Variants in SOX6 observed in about 807,000 individuals in gnomAD.
SOX6 encodes the protein transcription factor SOX-6.
SOX6 carries 11 observed loss-of-function variants against 97.8 expected under a neutral mutation model. The ratio of observed to expected loss-of-function variants is 0.11; its 90% CI spans 0.07 to 0.19. SOX6 has a LOEUF of 0.19. Ranked by LOEUF, SOX6 falls within the 10% of genes least tolerant of loss-of-function variation. The pLI is 1.00. For missense variants in SOX6, 810 were observed against 1,039.5 expected, an observed-to-expected ratio of 0.78 and a Z score of 3.04; for synonymous variants, 360 against 371.4, an observed-to-expected ratio of 0.97 and a Z score of 0.35.
chr11:16,113,628 C>T (rs1451314803), intron 6 of SOX6, among the ~76,000 whole-genome samples: 1 of 152,152 alleles, frequency 6.6e-6, no homozygotes, highest in Admixed American at 6.5e-5. Flanking sequence ...TGCAAGAGTA[C>T]ATCAAAGGAA....
chr11:16,704,981 G>C (rs1264438158), intron 3 of SOX6, among the ~76,000 whole-genome samples: 2 of 152,238 alleles, frequency 1.3e-5, no homozygotes, highest in Non-Finnish European at 2.9e-5. Context: ...CATCAGGCCA[G>C]GTGTGGTGGC....
chr11:16,279,023 G>A (rs560517865), intron 3 of SOX6, among the ~76,000 whole-genome samples: 17 of 152,234 alleles, frequency 1.1e-4, no homozygotes, highest in African/African-American at 3.8e-4. Context: ...GCTTATGTGA[G>A]TGTCTTTTTT....
intron 1 of SOX6, among the ~76,000 whole-genome samples, chr11:16,417,174 T>C (rs1565138259): frequency 6.6e-6 from 1 of 152,174 alleles, no homozygotes; most frequent in Non-Finnish European, 1.5e-5. Context: ...CTTTGAGGCT[T>C]ACCATGAGTA....
Position 16,318,826 on chromosome 11 carries a change from T to G in SOX6, c.238-173A>C, listed in dbSNP as rs576718375. On this transcript the variant is annotated intron_variant, in intron 2 of 15. Transcript: ENST00000683767. Reference sequence around the variant, plus strand: ...GGACAAATAAAAAATACAATTCTGATTGAACAACACCGATTAAACAAAACA... The same window carrying G: ...GGACAAATAAAAAATACAATTCTGAGTGAACAACACCGATTAAACAAAACA... Among the ~76,000 whole-genome samples, 9 of 152,226 alleles carry G rather than the reference T, an allele frequency of 5.9e-5. No homozygotes were observed. The East Asian group carries it at 1.7e-3, about 29-fold the overall frequency.
rs765066057 is a variant in SOX6, at chr11:15,972,777, C to CA, written c.*31dup. 51 of 1,612,854 alleles carry CA rather than the reference C, an allele frequency of 3.2e-5. No individual in the cohort carries two copies. The highest frequency in any genetic ancestry group is 4.2e-5 in the Non-Finnish European group (50 of 1,179,110). ...TTTGTTGGGGAGGGGGGTGAAATGT[C>CA]AGAGTACTTTAATTCAGCAAACAAA... On this transcript the variant is annotated 3_prime_UTR_variant, in exon 16 of 16. Transcript: ENST00000683767.
intron 3 of SOX6, among the ~76,000 whole-genome samples, chr11:16,707,314 T>C (rs185608170): frequency 6.7e-4 from 97 of 145,104 alleles, no homozygotes; most frequent in African/African-American, 2.2e-3. Flanking sequence ...CAAAGAAAAA[T>C]AACAAACTTA....
At chr11:16,070,377 TA>T (rs548585545) in intron 9 of SOX6, among the ~76,000 whole-genome samples, 1 of 151,390 alleles carries the variant, frequency 6.6e-6, no homozygotes, top group African/African-American at 2.4e-5. Flanking sequence ...CTAAGAAACT[TA>T]AAAAAAATCT....
At chr11:16,650,403 A>G (rs1333244472) in intron 3 of SOX6, among the ~76,000 whole-genome samples, 1 of 152,164 alleles carries the variant, frequency 6.6e-6, no homozygotes, top group Non-Finnish European at 1.5e-5. Flanking sequence ...TAAATTTAAG[A>G]AAATCAAAAT....
At chr11:16,201,515 A>G (rs1851936644) in intron 4 of SOX6, among the ~76,000 whole-genome samples, 1 of 150,364 alleles carries the variant, frequency 6.7e-6, no homozygotes, top group Admixed American at 6.6e-5. Context: ...TATATTATAT[A>G]TTCTATATAT....
At chr11:16,201,049 G>A (rs560968501) in intron 4 of SOX6, among the ~76,000 whole-genome samples, 4 of 151,834 alleles carry the variant, frequency 2.6e-5, no homozygotes, top group African/African-American at 9.7e-5. Flanking sequence ...CCCAGGAGAC[G>A]GAGGTTGCAG....
At chr11:16,284,857 T>C (rs903014108) in intron 3 of SOX6, among the ~76,000 whole-genome samples, 2 of 152,142 alleles carry the variant, frequency 1.3e-5, no homozygotes, top group African/African-American at 4.8e-5. Flanking sequence ...CTGTGCTCAT[T>C]TAATCTGCTT....
At chr11:16,070,714 G>C (rs543222179) in intron 9 of SOX6, among the ~76,000 whole-genome samples, 4 of 151,950 alleles carry the variant, frequency 2.6e-5, no homozygotes, top group African/African-American at 4.8e-5. Flanking sequence ...GCACCAGTCT[G>C]TCTGGGCTCA....
At chr11:16,156,912 C>T (rs987616142) in intron 6 of SOX6, among the ~76,000 whole-genome samples, 3 of 152,004 alleles carry the variant, frequency 2.0e-5, no homozygotes, top group African/African-American at 7.2e-5. Context: ...GAATTTATCA[C>T]TACATGATAT....
chr11:16,501,292 C>T (rs1590225211), intron 4 of SOX6, among the ~76,000 whole-genome samples: 1 of 151,996 alleles, frequency 6.6e-6, no homozygotes, highest in Non-Finnish European at 1.5e-5. Context: ...TTCCTTACAC[C>T]TTATATAAAA....
At chr11:16,298,209 A>C (rs1855154944) in intron 3 of SOX6, among the ~76,000 whole-genome samples, 1 of 152,210 alleles carries the variant, frequency 6.6e-6, no homozygotes, top group African/African-American at 2.4e-5. Flanking sequence ...CAGGAATATT[A>C]GTCATAGAAA....
chr11:16,469,096 A>C (rs75916010), intron 1 of SOX6, among the ~76,000 whole-genome samples: 2,058 of 152,134 alleles, frequency 0.014, 50 homozygotes, highest in African/African-American at 0.047. Context: ...AAAGTAATAA[A>C]GTGTAAAATA....
At chr11:16,108,498 A>G (rs1849152855) in intron 7 of SOX6, among the ~76,000 whole-genome samples, 1 of 152,194 alleles carries the variant, frequency 6.6e-6, no homozygotes. Context: ...GCTCAAATGT[A>G]TCTATCTTAC....
rs1176759707 is a variant in SOX6 at position 16,237,402 on chromosome 11, T to A, written c.446-2731A>T. Among the ~76,000 whole-genome samples the A allele has an allele frequency of 2.6e-5, 4 of 152,088 alleles. No homozygotes were observed. In the East Asian group the frequency reaches 7.7e-4, roughly 29 times the overall value. ...GATACAAAGTTACAAATAAAATTTA[T>A]GTTTTCAAATTTCTATCTCAAAACA... On this transcript the variant is annotated intron_variant, in intron 3 of 15. Transcript: ENST00000683767.
chr11:16,618,567 C>T (rs566232341), intron 3 of SOX6, among the ~76,000 whole-genome samples: 59 of 151,666 alleles, frequency 3.9e-4, no homozygotes, highest in African/African-American at 1.3e-3. Flanking sequence ...TCCAAAGAAG[C>T]ATTTAAATTC....
Sources: allele counts gnomAD v4.1 joint callset (sites outside exome capture counted in the v4.1 genomes callset), GRCh38; gene constraint gnomAD v4.1.1; transcripts MANE v1.5; gene names NCBI Gene and HGNC (gene_info 2026-07-23, HGNC 2026-07-21).